The following SLC30A6 variants were observed in gnomAD, a reference collection of about 807,000 sequenced individuals.
SLC30A6 encodes the protein solute carrier family 30 member 6.
In SLC30A6, 55 loss-of-function variants were observed where a neutral mutation model predicts 63.0. That is an observed-to-expected ratio of 0.87 (90% CI 0.70 to 1.09). SLC30A6 has a LOEUF of 1.09. SLC30A6 is among the 50% of genes least tolerant of loss of function. The pLI, the probability that SLC30A6 is intolerant of heterozygous loss-of-function variation, is 0.00. For synonymous variants in SLC30A6, 224 were observed against 186.1 expected (o/e 1.20, Z -1.66); for missense variants, 587 against 549.2 (o/e 1.07, Z -0.69).
chr2:32,177,451 C>T (rs922426847), intron 4 of SLC30A6: 9 of 229,840 alleles, frequency 3.9e-5, no homozygotes, highest in Admixed American at 3.5e-4. Flanking sequence ...CCACCAGGCA[C>T]GGCTAATTTT....
intron 4 of SLC30A6, among the ~76,000 whole-genome samples, chr2:32,182,280 A>G (rs1167449652): frequency 6.6e-6 from 1 of 152,104 alleles, no homozygotes; most frequent in Non-Finnish European, 1.5e-5. Context: ...GGCTGCCTTT[A>G]TCCGATGCAA....
At chr2:32,206,667 C>T (rs1037848475) in intron 11 of SLC30A6, among the ~76,000 whole-genome samples, 2 of 152,104 alleles carry the variant, frequency 1.3e-5, no homozygotes, top group African/African-American at 2.4e-5. Context: ...TGTTATTTAT[C>T]TTTTTATCTT....
chr2:32,187,454 A>C (rs537262006), intron 5 of SLC30A6, among the ~76,000 whole-genome samples: 2 of 152,306 alleles, frequency 1.3e-5, no homozygotes, highest in East Asian at 3.9e-4. Flanking sequence ...AGGTCGTGTA[A>C]GGACATGACA....
At chr2:32,191,215 T>C (rs920929110) in intron 5 of SLC30A6, among the ~76,000 whole-genome samples, 2 of 152,250 alleles carry the variant, frequency 1.3e-5, no homozygotes, top group Non-Finnish European at 2.9e-5. Flanking sequence ...GCATACTGTT[T>C]TTTCCTGTTC....
chr2:32,177,530 G>T, intron 4 of SLC30A6: 1 of 215,934 alleles, frequency 4.6e-6, no homozygotes, highest in South Asian at 4.3e-5. Context: ...GACCTCAAGT[G>T]GTCCACCCAC....
At chr2:32,168,266 ATATCTT>A (rs1163287056) in intron 1 of SLC30A6, among the ~76,000 whole-genome samples, 2 of 152,006 alleles carry the variant, frequency 1.3e-5, no homozygotes, top group Admixed American at 1.3e-4. Flanking sequence ...CTATGGCACT[ATATCTT>A]TATGCTTGAA....
At chr2:32,192,243 A>C in intron 5 of SLC30A6, 93 bp from the exon 6 acceptor site, 1 of 1,135,610 alleles carries the variant, frequency 8.8e-7, no homozygotes, top group East Asian at 2.4e-5. Flanking sequence ...TATGTATATT[A>C]AGTGAGCAAA....
chr2:32,206,624 A>G (rs1302088610), intron 11 of SLC30A6, among the ~76,000 whole-genome samples: 1 of 152,112 alleles, frequency 6.6e-6, no homozygotes, highest in Non-Finnish European at 1.5e-5. Context: ...ACCATTTCCC[A>G]AAGATTTTTT....
At chr2:32,187,520 C>T (rs1682940540) in intron 5 of SLC30A6, among the ~76,000 whole-genome samples, 1 of 152,160 alleles carries the variant, frequency 6.6e-6, no homozygotes, top group Non-Finnish European at 1.5e-5. Context: ...AGCAGCTAAG[C>T]AATAAAGTTA....
chr2:32,203,827 A>C lies in SLC30A6; in HGVS notation c.666-763A>C, dbSNP rs986825689. Reference sequence around the variant, plus strand: ...TGATAGAAACACATCTTCTAATTCCAGACAGAGGAGTGGTTGGTCAAGTGG... The same window carrying C: ...TGATAGAAACACATCTTCTAATTCCCGACAGAGGAGTGGTTGGTCAAGTGG... On this transcript the variant is annotated intron_variant, in intron 10 of 13. Transcript: ENST00000282587. 2.1e-6 allele frequency: 3 copies of C among 1,423,532 alleles called. No individual in the cohort carries two copies. The Admixed American group carries it at 5.1e-5, about 24-fold the overall frequency. 88.2% of individuals were successfully genotyped at this position (1,423,532 alleles called of 1,614,324 possible).
At chr2:32,186,559 G>T (rs890702722) in intron 5 of SLC30A6, among the ~76,000 whole-genome samples, 2 of 152,142 alleles carry the variant, frequency 1.3e-5, no homozygotes, top group African/African-American at 4.8e-5. Context: ...GGGCATGGTG[G>T]CAGGCACCTG....
At chr2:32,202,225 G>A in intron 10 of SLC30A6, 1 of 801,714 alleles carries the variant, frequency 1.2e-6, no homozygotes, top group Admixed American at 2.6e-5. Flanking sequence ...TCCTGTATAT[G>A]AAGGAAAAGA....
intron 8 of SLC30A6, among the ~76,000 whole-genome samples, chr2:32,195,594 A>G (rs920104133): frequency 6.6e-6 from 1 of 151,658 alleles, no homozygotes; most frequent in African/African-American, 2.4e-5. Flanking sequence ...AGAAGGAATT[A>G]TTTACTGGAT....
intron 8 of SLC30A6, among the ~76,000 whole-genome samples, chr2:32,195,439 T>G (rs1683703657): frequency 6.6e-6 from 1 of 152,124 alleles, no homozygotes; most frequent in African/African-American, 2.4e-5. Context: ...GTAAATGATT[T>G]TTTAATGTTT....
chr2:32,196,635 C>T (rs1223546226), intron 8 of SLC30A6, among the ~76,000 whole-genome samples: 1 of 152,086 alleles, frequency 6.6e-6, no homozygotes, highest in Non-Finnish European at 1.5e-5. Context: ...AAATTCGAAA[C>T]GCTCCTATGA....
intron 4 of SLC30A6, among the ~76,000 whole-genome samples, chr2:32,177,754 A>G (rs893490557): frequency 6.6e-6 from 1 of 151,918 alleles, no homozygotes; most frequent in Non-Finnish European, 1.5e-5. Context: ...TCAGCCTCCC[A>G]AAGTGCTGGG....
chr2:32,198,006 G>A (rs539155369), intron 10 of SLC30A6, among the ~76,000 whole-genome samples, 180 bp downstream of exon 10: 1 of 152,226 alleles, frequency 6.6e-6, no homozygotes, highest in Non-Finnish European at 1.5e-5. Context: ...GGTTCAATAA[G>A]TATTTCTTAC....
intron 6 of SLC30A6, 30 bp downstream of exon 6, chr2:32,192,446 C>A: frequency 6.4e-7 from 1 of 1,570,250 alleles, no homozygotes; most frequent in Admixed American, 1.7e-5. Context: ...TATTCTAAAT[C>A]CCCCCATGAC....
At chr2:32,213,302 CTTT>C (rs5830222) in intron 13 of SLC30A6, among the ~76,000 whole-genome samples, 22 of 113,712 alleles carry the variant, frequency 1.9e-4, no homozygotes, top group East Asian at 2.4e-4. Flanking sequence ...TGATATGGAG[CTTT>C]TTTTTTTTTT....
Sources: allele counts gnomAD v4.1 joint callset (sites outside exome capture counted in the v4.1 genomes callset), GRCh38; gene constraint gnomAD v4.1.1; transcripts MANE v1.5; gene names NCBI Gene and HGNC (gene_info 2026-07-23, HGNC 2026-07-21).